The following DCT variants were observed in gnomAD, a reference collection of about 807,000 sequenced individuals.
DCT encodes the protein dopachrome tautomerase.
DCT carries 47 observed loss-of-function variants against 53.0 expected under a neutral mutation model. The ratio of observed to expected loss-of-function variants is 0.89; its 90% CI spans 0.70 to 1.13. The LOEUF (loss-of-function observed/expected upper bound fraction) is 1.13, where lower values mean the gene tolerates loss of function less well. Ranked by LOEUF, DCT falls within the 50% of genes most tolerant of loss-of-function variation. The pLI is 0.00. For missense variants in DCT, 669 were observed against 637.4 expected (o/e 1.05, Z -0.53); for synonymous variants, 244 against 237.0 (o/e 1.03, Z -0.27).
chr13:94,441,787 A>T (rs1281617223), intron 7 of DCT, among the ~76,000 whole-genome samples: 1 of 152,212 alleles, frequency 6.6e-6, no homozygotes, highest in African/African-American at 2.4e-5. Flanking sequence ...TGGCTATTGT[A>T]AGTAATGCTG....
intron 2 of DCT, chr13:94,467,539 A>C (rs1175591056): frequency 6.6e-6 from 1 of 152,214 alleles, no homozygotes; most frequent in East Asian, 1.9e-4. Flanking sequence ...CAGGAAAACT[A>C]TAAAGGTTTA....
At chr13:94,498,572 T>G in the DCT span, among the ~76,000 whole-genome samples, 1 of 152,200 alleles carries the variant, frequency 6.6e-6, no homozygotes, top group South Asian at 2.1e-4. Context: ...CACACTAAAC[T>G]CAACTTCCAG....
chr13:94,491,636 T>G, the DCT span, among the ~76,000 whole-genome samples: 3 of 152,102 alleles, frequency 2.0e-5, no homozygotes, highest in African/African-American at 7.2e-5. Flanking sequence ...TCCTCAAACT[T>G]TTGGGATTAG....
chr13:94,458,291 C>T (rs1883538898), intron 6 of DCT, among the ~76,000 whole-genome samples: 1 of 152,120 alleles, frequency 6.6e-6, no homozygotes, highest in Non-Finnish European at 1.5e-5. Context: ...AGCACAAGCC[C>T]AAACCCTTTC....
At chr13:94,444,767 T>C (rs1328881494) in intron 6 of DCT, among the ~76,000 whole-genome samples, 4 of 152,214 alleles carry the variant, frequency 2.6e-5, no homozygotes, top group Admixed American at 2.6e-4. Flanking sequence ...ACTTATTCAG[T>C]GTATTCATTC....
chr13:94,500,680 C>T, the DCT span, among the ~76,000 whole-genome samples: 1 of 126 alleles, frequency 7.9e-3, no homozygotes, highest in Non-Finnish European at 0.016. Flanking sequence ...ACAGAATCTC[C>T]TTGCTTTTAA....
the DCT span, among the ~76,000 whole-genome samples, chr13:94,511,396 G>A: frequency 7.1e-6 from 1 of 141,494 alleles, no homozygotes; most frequent in Non-Finnish European, 1.5e-5. Flanking sequence ...GTCTCACTCT[G>A]TCACCCAGGC....
At chr13:94,485,539 A>G in the DCT span, among the ~76,000 whole-genome samples, 1 of 152,210 alleles carries the variant, frequency 6.6e-6, no homozygotes, top group East Asian at 1.9e-4. Flanking sequence ...ACCTTGCACA[A>G]ACACAGTGTC....
chr13:94,449,756 G>A (rs1882962311), intron 6 of DCT, among the ~76,000 whole-genome samples: 1 of 152,122 alleles, frequency 6.6e-6, no homozygotes, highest in African/African-American at 2.4e-5. Context: ...ATCTTGTCTT[G>A]TTCTACCAAA....
At chr13:94,508,136 G>C in the DCT span, among the ~76,000 whole-genome samples, 1 of 152,196 alleles carries the variant, frequency 6.6e-6, no homozygotes, top group Non-Finnish European at 1.5e-5. Context: ...GTATTACGTT[G>C]GTGGTAGAAA....
At chr13:94,468,327 A>G (rs985622675) in intron 2 of DCT, 1 of 181,004 alleles carries the variant, frequency 5.5e-6, no homozygotes, top group Non-Finnish European at 1.2e-5. Flanking sequence ...ATTCCGCACA[A>G]AGAAGCTTCA....
At chr13:94,513,517 A>G in the DCT span, among the ~76,000 whole-genome samples, 3 of 152,204 alleles carry the variant, frequency 2.0e-5, no homozygotes, top group East Asian at 5.8e-4. Context: ...AATATATGAA[A>G]CAATGGGCAG....
intron 6 of DCT, among the ~76,000 whole-genome samples, chr13:94,456,389 T>C (rs1375117137): frequency 2.6e-5 from 4 of 152,186 alleles, no homozygotes; most frequent in Admixed American, 2.6e-4. Flanking sequence ...TCCCTCTTCA[T>C]AGCTCCTTTT....
At chr13:94,539,153 G>A in the DCT span, among the ~76,000 whole-genome samples, 1 of 152,160 alleles carries the variant, frequency 6.6e-6, no homozygotes, top group East Asian at 1.9e-4. Context: ...CACCTTTTGA[G>A]GGGCAGTAGA....
chr13:94,485,985 G>T, the DCT span, among the ~76,000 whole-genome samples: 1 of 152,124 alleles, frequency 6.6e-6, no homozygotes, highest in Admixed American at 6.5e-5. Context: ...TCCCTACTAT[G>T]CTCCAGGCAC....
At chr13:94,507,136 G>A in the DCT span, among the ~76,000 whole-genome samples, 2 of 152,080 alleles carry the variant, frequency 1.3e-5, no homozygotes, top group Non-Finnish European at 2.9e-5. Flanking sequence ...ATCAGAAAAG[G>A]GACATTAGAA....
At chr13:94,537,804 G>A in the DCT span, among the ~76,000 whole-genome samples, 2 of 152,228 alleles carry the variant, frequency 1.3e-5, no homozygotes, top group South Asian at 4.1e-4. Context: ...CATAAGATGT[G>A]GAAAAGGAAT....
the DCT span, among the ~76,000 whole-genome samples, chr13:94,514,444 G>GTTAGCAGGGAGTAAGCAAAT: frequency 3.9e-5 from 6 of 152,340 alleles, no homozygotes; most frequent in African/African-American, 1.4e-4. Flanking sequence ...AGTAAGCAAA[G>GTTAGCAGGGAGTAAGCAAAT]TTAGCAGCTA....
chr13:94,482,081 A>G (rs1365772472), upstream of DCT, among the ~76,000 whole-genome samples: 2 of 152,354 alleles, frequency 1.3e-5, no homozygotes, highest in South Asian at 2.1e-4. Flanking sequence ...GATAACATTC[A>G]GGCATACGAT....
Sources: gnomAD v4.1 joint callset for allele counts (sites outside exome capture counted in the v4.1 genomes callset) on GRCh38, gnomAD v4.1.1 for gene constraint, MANE v1.5 for transcripts, NCBI Gene and HGNC (gene_info 2026-07-23, HGNC 2026-07-21) for gene names.